Variants in ADAMTSL1 observed in about 807,000 individuals in gnomAD.
ADAMTSL1 encodes the protein ADAMTS-like protein 1.
ADAMTSL1 carries 126 observed loss-of-function variants against 201.8 expected under a neutral mutation model. The ratio of observed to expected loss-of-function variants is 0.62; its 90% CI spans 0.54 to 0.72. The LOEUF (loss-of-function observed/expected upper bound fraction) is 0.72, where lower values mean the gene tolerates loss of function less well. Ranked by LOEUF, ADAMTSL1 falls within the 30% of genes least tolerant of loss-of-function variation. The pLI, the probability that ADAMTSL1 is intolerant of heterozygous loss-of-function variation, is 0.00. For synonymous variants in ADAMTSL1, 1,121 were observed against 903.4 expected (o/e 1.24, Z -4.32); for missense variants, 2,679 against 2,277.8 (o/e 1.18, Z -3.59).
chr9:18,339,667 G>A (rs768521523), intron 2 of ADAMTSL1, among the ~76,000 whole-genome samples: 2 of 151,978 alleles, frequency 1.3e-5, no homozygotes, highest in Non-Finnish European at 2.9e-5. Context: ...TGTTGCCCAG[G>A]TCAGTCTTAT....
intron 2 of ADAMTSL1, among the ~76,000 whole-genome samples, chr9:18,455,681 C>T (rs749360982): frequency 1.3e-5 from 2 of 152,060 alleles, no homozygotes; most frequent in East Asian, 3.9e-4. Context: ...GAATATAATC[C>T]GTTTTTTAAA....
chr9:18,143,613 G>A (rs1004035516), intron 1 of ADAMTSL1, among the ~76,000 whole-genome samples: 1 of 152,046 alleles, frequency 6.6e-6, no homozygotes, highest in African/African-American at 2.4e-5. Context: ...CTTTATAGAT[G>A]GGTCCCCATT....
intron 24 of ADAMTSL1, among the ~76,000 whole-genome samples, chr9:18,889,003 A>C (rs1829073604): frequency 6.6e-6 from 1 of 152,184 alleles, no homozygotes; most frequent in Non-Finnish European, 1.5e-5. Flanking sequence ...AAAATTTACC[A>C]TCTCACCTAT....
At chr9:18,186,469 C>T (rs1346596355) in intron 2 of ADAMTSL1, among the ~76,000 whole-genome samples, 3 of 152,004 alleles carry the variant, frequency 2.0e-5, no homozygotes. Context: ...TAGTCCCTAC[C>T]CAAATACATC....
chr9:18,561,581 C>G (rs756999629), intron 3 of ADAMTSL1, among the ~76,000 whole-genome samples: 1 of 152,192 alleles, frequency 6.6e-6, no homozygotes, highest in East Asian at 1.9e-4. Context: ...CCTGAACATC[C>G]TTGTTAATTT....
rs35217994 is a variant in ADAMTSL1, at chr9:18,411,162, CTTTATTTA to C, written c.208-93639_208-93632del. On this transcript the variant is annotated intron_variant, in intron 2 of 29. Transcript: ENST00000680146. ...CAGGCGTGAGCCACTGCACCCAGCC[CTTTATTTA>C]TTTATTTATTTATTTATTTATTTAT... is the stretch of plus-strand genomic sequence containing the variant. 2.0e-3 allele frequency among the ~76,000 whole-genome samples: 281 copies of C among 142,350 alleles called. 2 individuals are homozygous for C. Among genetic ancestry groups the C allele is most frequent in the African/African-American group, 5.3e-3 (201 of 37,848 alleles). The allele number at this position is 142,350 out of a possible 152,430, so 93.4% of individuals were successfully genotyped here. A position where few individuals can be genotyped will look rare whatever the true frequency, so the allele number is the denominator to read the frequency against.
chr9:18,246,686 AGT>A, intron 2 of ADAMTSL1, among the ~76,000 whole-genome samples: 1 of 152,214 alleles, frequency 6.6e-6, no homozygotes. Context: ...ATAGTTGCAA[AGT>A]GACATATCTG....
At chr9:18,569,254 T>C (rs1203283232) in intron 3 of ADAMTSL1, among the ~76,000 whole-genome samples, 1 of 152,188 alleles carries the variant, frequency 6.6e-6, no homozygotes, top group African/African-American at 2.4e-5. Context: ...CAGAACTCCA[T>C]GGACTTTATG....
intron 19 of ADAMTSL1, among the ~76,000 whole-genome samples, chr9:18,784,260 G>A (rs1055543178): frequency 5.3e-5 from 8 of 152,132 alleles, no homozygotes; most frequent in Admixed American, 2.0e-4. Context: ...TTACCATTGT[G>A]TATTAAAATT....
rs956234986 is a variant in ADAMTSL1, at chr9:18,354,232, A to T, written c.208-150597A>T. On this transcript the variant is annotated intron_variant, in intron 2 of 29. Transcript: ENST00000680146. Reference sequence around the variant, plus strand: ...TGCTCCCTTGTATAAATGTACCATAATTTAATTAACTAGTCATTTATTGAT... The same window carrying T: ...TGCTCCCTTGTATAAATGTACCATATTTTAATTAACTAGTCATTTATTGAT... 9.1e-4 allele frequency among the ~76,000 whole-genome samples: 138 copies of T among 151,926 alleles called. 1 individual carries two copies. The highest frequency in any genetic ancestry group is 2.7e-3 in the African/African-American group (114 of 41,506).
At chr9:18,405,825 ATTC>A (rs969311750) in intron 2 of ADAMTSL1, among the ~76,000 whole-genome samples, 4 of 152,208 alleles carry the variant, frequency 2.6e-5, no homozygotes, top group East Asian at 3.9e-4. Context: ...TCTTGTGGGT[ATTC>A]TTCTTCACCT....
chr9:18,852,821 T>C (rs1034741769), intron 23 of ADAMTSL1, among the ~76,000 whole-genome samples: 1 of 152,132 alleles, frequency 6.6e-6, no homozygotes, highest in African/African-American at 2.4e-5. Context: ...ATTAAATATA[T>C]AAAAACAGTT....
In ADAMTSL1 at chr9:18,081,937, A is replaced by T. The variant is rs188955788; in HGVS notation, c.88-81925A>T. Among the ~76,000 whole-genome samples the T allele has an allele frequency of 8.7e-3, 1,329 of 152,310 alleles. 11 individuals are homozygous for T. The highest frequency in any genetic ancestry group is 0.014 in the Non-Finnish European group (920 of 68,014). ...TTTTATATGCACTTATGATGTGAGG[A>T]CAAGGTTAAGATTGATGAAGAGTCT... is the stretch of plus-strand genomic sequence containing the variant. On this transcript the variant is annotated intron_variant, in intron 1 of 29. Transcript: ENST00000680146.
At chr9:18,493,300 C>G (rs184026295) in intron 1 of ADAMTSL1, among the ~76,000 whole-genome samples, 288 of 152,274 alleles carry the variant, frequency 1.9e-3, no homozygotes, top group Middle Eastern at 0.01. Flanking sequence ...CTATGGTTAT[C>G]TATGTATTGT....
intron 16 of ADAMTSL1, among the ~76,000 whole-genome samples, 156 bp from the exon 17 acceptor site, chr9:18,770,446 G>C (rs1820623878): frequency 6.6e-6 from 1 of 151,476 alleles, no homozygotes; most frequent in African/African-American, 2.4e-5. Context: ...ATCTCAAAGA[G>C]AAGAAACAAA....
At chr9:18,734,400 C>G (rs1818392797) in intron 15 of ADAMTSL1, among the ~76,000 whole-genome samples, 1 of 152,132 alleles carries the variant, frequency 6.6e-6, no homozygotes, top group Admixed American at 6.5e-5. Flanking sequence ...GAATGCCCAG[C>G]CTTCATTATC....
intron 2 of ADAMTSL1, among the ~76,000 whole-genome samples, chr9:18,202,390 A>G (rs1388930388): frequency 6.6e-6 from 1 of 152,238 alleles, no homozygotes; most frequent in Non-Finnish European, 1.5e-5. Context: ...ACAGTAGTTA[A>G]TGTTCTTTCA....
chr9:18,862,366 C>A (rs1201179127), intron 23 of ADAMTSL1, among the ~76,000 whole-genome samples: 1 of 152,162 alleles, frequency 6.6e-6, no homozygotes, highest in East Asian at 1.9e-4. Context: ...CCAAGCTGAT[C>A]TGTGTATTTT....
intron 1 of ADAMTSL1, among the ~76,000 whole-genome samples, chr9:17,915,528 A>G (rs1418249096): frequency 6.6e-6 from 1 of 152,198 alleles, no homozygotes; most frequent in Non-Finnish European, 1.5e-5. Context: ...GCAAACATTT[A>G]TGTACAAGTC....
Sources: allele counts gnomAD v4.1 joint callset (sites outside exome capture counted in the v4.1 genomes callset), GRCh38; gene constraint gnomAD v4.1.1; transcripts MANE v1.5; gene names NCBI Gene and HGNC (gene_info 2026-07-23, HGNC 2026-07-21).